Variants in PEBP4 observed in about 807,000 individuals in gnomAD.
PEBP4 encodes the protein phosphatidylethanolamine-binding protein 4.
Under a neutral mutation model 23.9 loss-of-function variants are expected in PEBP4, and 22 were observed. The observed-to-expected ratio is 0.92, with a 90% CI of 0.66 to 1.31. The LOEUF is 1.31. Ranked by LOEUF, PEBP4 falls within the 40% of genes most tolerant of loss-of-function variation. The probability of loss-of-function intolerance (pLI) is 0.00; values close to 1 mark genes in which losing one functional copy is unlikely to be tolerated. For missense variants in PEBP4, 324 were observed against 281.7 expected (o/e 1.15, Z -1.07); for synonymous variants, 112 against 99.3 (o/e 1.13, Z -0.76).
At chr8:22,881,208 G>A (rs988948235) in intron 3 of PEBP4, among the ~76,000 whole-genome samples, 1 of 152,188 alleles carries the variant, frequency 6.6e-6, no homozygotes, top group African/African-American at 2.4e-5. Context: ...CCCAGTTTCT[G>A]GACTCTCCCA....
intron 6 of PEBP4, among the ~76,000 whole-genome samples, chr8:22,722,796 C>T (rs572849474): frequency 1.5e-4 from 23 of 150,910 alleles, no homozygotes; most frequent in Admixed American, 4.0e-4. Context: ...TTTTTTGAGA[C>T]GGAGTCTCTC....
At chr8:22,740,685 AC>A (rs1389713989) in intron 4 of PEBP4, among the ~76,000 whole-genome samples, 6 of 150,624 alleles carry the variant, frequency 4.0e-5, no homozygotes, top group Middle Eastern at 3.4e-3. Flanking sequence ...CCTTCTGGAG[AC>A]CCCCTCCCCT....
chr8:22,920,743 C>T (rs1809182226), intron 2 of PEBP4, among the ~76,000 whole-genome samples: 1 of 152,200 alleles, frequency 6.6e-6, no homozygotes, highest in African/African-American at 2.4e-5. Flanking sequence ...GAAAGAAAAG[C>T]TTAGCAAGTC....
chr8:22,921,629 C>A (rs1163787689), intron 2 of PEBP4, among the ~76,000 whole-genome samples: 1 of 152,210 alleles, frequency 6.6e-6, no homozygotes, highest in South Asian at 2.1e-4. Context: ...GCCAGCGCCC[C>A]CAGTGCCAGA....
chr8:22,874,066 T>A (rs560569719), intron 3 of PEBP4, among the ~76,000 whole-genome samples: 2 of 152,172 alleles, frequency 1.3e-5, no homozygotes, highest in East Asian at 3.9e-4. Flanking sequence ...TAACTAGCTG[T>A]GTGTGTGTGG....
rs925884394 is a variant in PEBP4, at chr8:22,732,000, G to C, written c.358-4780C>G. ...CCATACCCCCTCATTGTTTAAGGGT[G>C]AACAGTAATTATAGAAATTACAGAC... On this transcript the variant is annotated intron_variant, in intron 4 of 6. Coordinates refer to ENST00000256404, the MANE Select transcript of PEBP4 (RefSeq NM_144962.3). Among the ~76,000 whole-genome samples, 20 of 152,200 alleles carry C rather than the reference G, an allele frequency of 1.3e-4. No homozygotes were observed. The East Asian group carries it at 3.9e-3, about 29-fold the overall frequency.
chr8:22,729,935 T>C (rs1391632625), intron 4 of PEBP4, among the ~76,000 whole-genome samples: 1 of 152,186 alleles, frequency 6.6e-6, no homozygotes, highest in Non-Finnish European at 1.5e-5. Flanking sequence ...AATCAACACC[T>C]GGTAGGGGCT....
chr8:22,803,617 T>C (rs1275879659), intron 4 of PEBP4, among the ~76,000 whole-genome samples: 1 of 151,948 alleles, frequency 6.6e-6, no homozygotes, highest in African/African-American at 2.4e-5. Flanking sequence ...TGAGCTGAGA[T>C]GGCAACACTG....
At chr8:22,751,663 G>A (rs75753269) in intron 4 of PEBP4, among the ~76,000 whole-genome samples, 2,961 of 149,310 alleles carry the variant, frequency 0.02, 105 homozygotes, top group African/African-American at 0.068. Context: ...TGTGTTGTGC[G>A]TCTATATATT....
chr8:22,890,687 C>T (rs1469980853), intron 3 of PEBP4, among the ~76,000 whole-genome samples: 8 of 152,192 alleles, frequency 5.3e-5, no homozygotes, highest in Non-Finnish European at 1.0e-4. Context: ...GGCAGTGTGG[C>T]GCACAGAGTT....
At chr8:22,884,199 G>A (rs1808323911) in intron 3 of PEBP4, 1 of 152,106 alleles carries the variant, frequency 6.6e-6, no homozygotes, top group Admixed American at 6.6e-5. Context: ...GCAGACACAG[G>A]GACCTCTTTA....
chr8:22,727,306 G>A (rs1804638583), intron 4 of PEBP4, 86 bp from the exon 5 acceptor site: 10 of 1,324,764 alleles, frequency 7.5e-6, no homozygotes, highest in Non-Finnish European at 1.1e-5. Flanking sequence ...TTCTCTCTCT[G>A]CAGGAGGAGG....
chr8:22,780,836 C>G (rs1216815600), intron 4 of PEBP4, among the ~76,000 whole-genome samples: 1 of 152,180 alleles, frequency 6.6e-6, no homozygotes. Flanking sequence ...TTGCTTCTGG[C>G]TAAGGGGAAA....
chr8:22,822,117 A>G (rs1207559106), intron 3 of PEBP4, among the ~76,000 whole-genome samples: 1 of 152,146 alleles, frequency 6.6e-6, no homozygotes, highest in African/African-American at 2.4e-5. Flanking sequence ...AAGGCAGATG[A>G]GGGCCACAAA....
intron 3 of PEBP4, among the ~76,000 whole-genome samples, chr8:22,851,325 T>C (rs7816775): frequency 0.8 from 121,672 of 152,076 alleles, 51,180 homozygotes; most frequent in East Asian, 0.92. Flanking sequence ...CTGAATGGCC[T>C]TTCTTTGTGA....
At chr8:22,820,177 C>T (rs1456436096) in intron 3 of PEBP4, among the ~76,000 whole-genome samples, 1 of 151,930 alleles carries the variant, frequency 6.6e-6, no homozygotes, top group East Asian at 1.9e-4. Context: ...GAGTTAGAGG[C>T]AAGTTTATCA....
At chr8:22,841,465 A>G (rs184137655) in intron 3 of PEBP4, among the ~76,000 whole-genome samples, 1 of 152,368 alleles carries the variant, frequency 6.6e-6, no homozygotes, top group East Asian at 1.9e-4. Flanking sequence ...AGGGACAACA[A>G]CTAACAAAAC....
intron 3 of PEBP4, among the ~76,000 whole-genome samples, chr8:22,880,804 A>G (rs776945539): frequency 6.6e-6 from 1 of 152,228 alleles, no homozygotes; most frequent in Non-Finnish European, 1.5e-5. Flanking sequence ...GGGGCAGCCT[A>G]GACCCAGACT....
intron 3 of PEBP4, chr8:22,897,602 A>C (rs1425216687): frequency 2.6e-5 from 4 of 152,176 alleles, no homozygotes. Context: ...TAGTTGAGTA[A>C]ACTGGCTTGG....
Sources: gnomAD v4.1 joint callset for allele counts (sites outside exome capture counted in the v4.1 genomes callset) on GRCh38, gnomAD v4.1.1 for gene constraint, MANE v1.5 for transcripts, NCBI Gene and HGNC (gene_info 2026-07-23, HGNC 2026-07-21) for gene names.